Variants in AATF observed in about 807,000 individuals in gnomAD.
The protein encoded by AATF is protein AATF.
A neutral mutation model predicts 63.7 loss-of-function variants in AATF; 48 were observed. The observed-to-expected ratio is 0.75, with a 90% CI of 0.60 to 0.96. The LOEUF (loss-of-function observed/expected upper bound fraction) is 0.96. Among genes scored for constraint, AATF ranks in the 40% least tolerant of loss-of-function variants. The probability of loss-of-function intolerance (pLI) is 0.00; values close to 1 mark genes in which losing one functional copy is unlikely to be tolerated. For synonymous variants in AATF, 258 were observed against 247.7 expected (o/e 1.04, Z -0.39); for missense variants, 639 against 685.7 (o/e 0.93, Z 0.76).
rs777981157 is a variant in AATF, at chr17:37,019,001, C to T, written c.1399-4C>T. On this transcript the variant is annotated splice_polypyrimidine_tract_variant and splice_region_variant and intron_variant, in intron 8 of 11. Coordinates refer to ENST00000619387, the MANE Select transcript of AATF (RefSeq NM_012138.4). ...TAAATTCGTTGCTTTCCTTTTTCCC[C>T]TAGCTCCTTCGAGAACTCATAGAAC... 1.9e-6 allele frequency: 3 copies of T among 1,613,700 alleles called. No homozygotes were observed. The highest frequency in any genetic ancestry group is 2.5e-6 in the Non-Finnish European group (3 of 1,179,660).
At chr17:37,040,386 C>G (rs948185820) in intron 11 of AATF, among the ~76,000 whole-genome samples, 4 of 151,916 alleles carry the variant, frequency 2.6e-5, no homozygotes, top group African/African-American at 9.7e-5. Context: ...ATAGAATAAT[C>G]ATATCATATT....
chr17:37,009,823 CAAAAAAAA>C (rs1160362372), intron 8 of AATF, among the ~76,000 whole-genome samples: 42 of 28,778 alleles, frequency 1.5e-3, no homozygotes, highest in African/African-American at 3.5e-3. Context: ...GACTCCGTCT[CAAAAAAAA>C]AAAAAAAAAA....
chr17:36,981,023 T>C (rs2071119462), intron 4 of AATF, among the ~76,000 whole-genome samples: 1 of 152,002 alleles, frequency 6.6e-6, no homozygotes, highest in South Asian at 2.1e-4. Context: ...CCAGGGCCAC[T>C]TTCTGACTGG....
At chr17:36,987,856 C>T (rs775711900) in intron 5 of AATF, among the ~76,000 whole-genome samples, 4 of 152,258 alleles carry the variant, frequency 2.6e-5, no homozygotes, top group African/African-American at 9.6e-5. Flanking sequence ...GGATTAAGGT[C>T]GTAGAAATAT....
At chr17:37,053,704 TAAAAATAA>T (rs2071773043) in intron 11 of AATF, among the ~76,000 whole-genome samples, 1 of 152,086 alleles carries the variant, frequency 6.6e-6, no homozygotes, top group Non-Finnish European at 1.5e-5. Context: ...CCGTCTCTAC[TAAAAATAA>T]AAAATTAGCC....
intron 4 of AATF, among the ~76,000 whole-genome samples, chr17:36,969,199 T>C (rs2071020270): frequency 6.6e-6 from 1 of 152,226 alleles, no homozygotes; most frequent in African/African-American, 2.4e-5. Context: ...CCAATGGCAG[T>C]GTCTTTAGAT....
Position 37,056,736 on chromosome 17 carries a change from G to C in AATF, c.*72G>C, listed in dbSNP as rs2071802395. On this transcript the variant is annotated 3_prime_UTR_variant, in exon 12 of 12. Transcript: ENST00000619387. ...GCTGGTCCAGATGGAGGAAACCAGT[G>C]ACTTTATGGGGCTGAGCTAGTAGGG... The C allele has an allele frequency of 2.0e-6, 3 of 1,505,106 alleles. No individual in the cohort carries two copies. Among genetic ancestry groups the C allele is most frequent in the Non-Finnish European group, 1.8e-6 (2 of 1,084,420 alleles). 93.2% of individuals were successfully genotyped at this position (1,505,106 alleles called of 1,614,324 possible).
chr17:36,949,289 A>AGGGGCGTGCGCGAGGCCGC, intron 1 of AATF, 73 bp downstream of exon 1: 13 of 1,427,662 alleles, frequency 9.1e-6, no homozygotes, highest in Non-Finnish European at 1.1e-5. Flanking sequence ...GCGGCGTGGG[A>AGGGGCGTGCGCGAGGCCGC]GGGGCGTGCG....
chr17:36,999,391 T>G (rs975809707), intron 8 of AATF, among the ~76,000 whole-genome samples: 1 of 152,240 alleles, frequency 6.6e-6, no homozygotes, highest in Non-Finnish European at 1.5e-5. Flanking sequence ...GCTGTTTAGA[T>G]TTAAATTTTG....
intron 4 of AATF, among the ~76,000 whole-genome samples, chr17:36,979,006 T>C (rs2071100454): frequency 6.6e-6 from 1 of 152,044 alleles, no homozygotes; most frequent in Non-Finnish European, 1.5e-5. Flanking sequence ...AGTTGCACAA[T>C]AATCACTCAC....
intron 8 of AATF, among the ~76,000 whole-genome samples, chr17:37,018,536 C>T (rs2071445232): frequency 6.6e-6 from 1 of 152,152 alleles, no homozygotes; most frequent in Admixed American, 6.5e-5. Context: ...ACAGTAAAGG[C>T]TTTTTGCCTG....
At chr17:37,020,363 G>A (rs933968494) in intron 9 of AATF, among the ~76,000 whole-genome samples, 3 of 151,668 alleles carry the variant, frequency 2.0e-5, no homozygotes, top group African/African-American at 7.3e-5. Flanking sequence ...CGCTTCTCTT[G>A]TATAGCAACA....
intron 8 of AATF, among the ~76,000 whole-genome samples, chr17:37,018,571 G>GTAA (rs2071445518): frequency 1.3e-5 from 2 of 152,218 alleles, no homozygotes; most frequent in East Asian, 3.8e-4. Flanking sequence ...GACTGTTGGA[G>GTAA]GTTATAGTTC....
chr17:36,952,790 C>G, intron 2 of AATF, 96 bp from the exon 3 acceptor site: 1 of 1,496,368 alleles, frequency 6.7e-7, no homozygotes, highest in Non-Finnish European at 8.9e-7. Flanking sequence ...GATTTTCCCC[C>G]TGATGCCACA....
intron 4 of AATF, among the ~76,000 whole-genome samples, chr17:36,971,425 CT>C (rs1281425219): frequency 2.6e-4 from 40 of 152,198 alleles, no homozygotes; most frequent in African/African-American, 8.2e-4. Flanking sequence ...ACACCAAGTG[CT>C]GGGAAGAATG....
At chr17:36,985,162 A>C (rs1415291296) in intron 4 of AATF, among the ~76,000 whole-genome samples, 1 of 152,054 alleles carries the variant, frequency 6.6e-6, no homozygotes, top group Non-Finnish European at 1.5e-5. Flanking sequence ...TCCGCCTCCC[A>C]AAGTGCTGGG....
In AATF at chr17:37,005,946, A is replaced by G. The variant is rs141619283; in HGVS notation, c.1399-13059A>G. ...AGCTTGAGACTAACCTGGGCAACAT[A>G]GTGAGACCCTATCTCTATAAAAAAT... On this transcript the variant is annotated intron_variant, in intron 8 of 11. Transcript: ENST00000619387. Among the ~76,000 whole-genome samples the G allele has an allele frequency of 3.5e-3, 535 of 151,984 alleles. 4 individuals carry two copies. Among genetic ancestry groups the G allele is most frequent in the Admixed American group, 6.7e-3 (102 of 15,278 alleles).
chr17:36,963,326 C>A, intron 4 of AATF, among the ~76,000 whole-genome samples: 1 of 151,550 alleles, frequency 6.6e-6, no homozygotes, highest in East Asian at 1.9e-4. Context: ...TTACAACATG[C>A]AGTCTTTGTA....
At position 36,981,702 on chromosome 17, in the gene AATF, C is replaced by CTTT. The variant is rs71368433; in HGVS notation, c.833-4900_833-4898dup. Among the ~76,000 whole-genome samples the CTTT allele has an allele frequency of 7.4e-4, 82 of 110,480 alleles. 4 individuals are homozygous for CTTT. The highest frequency in any genetic ancestry group is 2.3e-3 in the African/African-American group (67 of 28,718). 72.5% of individuals were successfully genotyped at this position (110,480 alleles called of 152,430 possible). Reference sequence around the variant, plus strand: ...CTTTCTTCTTCTTCTTCTTTCTTTTCTTTTTTTTTTTTTTTTTGACAGTCA... The same window carrying CTTT: ...CTTTCTTCTTCTTCTTCTTTCTTTTCTTTTTTTTTTTTTTTTTTTTGACAGTCA... On this transcript the variant is annotated intron_variant, in intron 4 of 11. Coordinates refer to ENST00000619387, the MANE Select transcript of AATF (RefSeq NM_012138.4).
Sources: gnomAD v4.1 joint callset for allele counts (sites outside exome capture counted in the v4.1 genomes callset) on GRCh38, gnomAD v4.1.1 for gene constraint, MANE v1.5 for transcripts, NCBI Gene and HGNC (gene_info 2026-07-23, HGNC 2026-07-21) for gene names.